The following TNR variants were observed in gnomAD, a reference collection of about 807,000 sequenced individuals.
TNR encodes the protein tenascin-R.
Under a neutral mutation model 150.4 loss-of-function variants are expected in TNR, and 45 were observed. The observed-to-expected ratio is 0.30, with a 90% CI of 0.24 to 0.38. TNR has a LOEUF of 0.38. TNR is among the 10% of genes least tolerant of loss of function. The pLI, the probability that TNR is intolerant of heterozygous loss-of-function variation, is 1.00. For synonymous variants in TNR, 687 were observed against 678.4 expected, an observed-to-expected ratio of 1.01 and a Z score of -0.20; for missense variants, 1,544 against 1,759.1, an observed-to-expected ratio of 0.88 and a Z score of 2.19.
chr1:175,439,315 T>C (rs1655671524), intron 2 of TNR, among the ~76,000 whole-genome samples: 1 of 152,140 alleles, frequency 6.6e-6, no homozygotes, highest in Admixed American at 6.5e-5. Context: ...GAAAACTGGC[T>C]AGCCATATGT....
intron 4 of TNR, among the ~76,000 whole-genome samples, chr1:175,400,625 C>A (rs187897822): frequency 4.3e-4 from 66 of 152,256 alleles, no homozygotes; most frequent in African/African-American, 1.4e-3. Context: ...AGAATGCAAT[C>A]CACACAATGG....
Position 175,449,631 on chromosome 1 carries a change from A to C in TNR, c.-63-42854T>G, listed in dbSNP as rs146937879. 4.7e-3 allele frequency among the ~76,000 whole-genome samples: 718 copies of C among 151,896 alleles called. 1 individual carries two copies. Among genetic ancestry groups the C allele is most frequent in the Non-Finnish European group, 8.0e-3 (545 of 67,978 alleles). ...AAGATTAAGGTAAAGGGAGAAACTA[A>C]AAAGATGAAGCTACAAGGAAATACT... On this transcript the variant is annotated intron_variant, in intron 2 of 22. Transcript: ENST00000367674.
At chr1:175,326,128 G>GA (rs1417144906) in intron 21 of TNR, among the ~76,000 whole-genome samples, 1 of 152,112 alleles carries the variant, frequency 6.6e-6, no homozygotes, top group African/African-American at 2.4e-5. Flanking sequence ...TTTTTATTCT[G>GA]AGGGGCAAAC....
intron 2 of TNR, among the ~76,000 whole-genome samples, chr1:175,417,011 A>AAAGAAAGAAAGAAAG (rs1553218221): frequency 5.4e-4 from 49 of 90,902 alleles, no homozygotes; most frequent in African/African-American, 2.0e-3. Context: ...CCATCTCAAA[A>AAAGAAAGAAAGAAAG]AAAGAAAGAA....
chr1:175,444,552 C>T (rs1360218356), intron 2 of TNR, among the ~76,000 whole-genome samples: 1 of 152,198 alleles, frequency 6.6e-6, no homozygotes, highest in East Asian at 1.9e-4. Context: ...CTTCACACAC[C>T]ACATCCCAGA....
At chr1:175,476,324 C>G (rs192786576) in intron 2 of TNR, among the ~76,000 whole-genome samples, 4 of 152,276 alleles carry the variant, frequency 2.6e-5, no homozygotes, top group African/African-American at 9.6e-5. Context: ...ACAAGATTTC[C>G]TAGAGCATAA....
chr1:175,473,739 C>G (rs1302163300), intron 2 of TNR, among the ~76,000 whole-genome samples: 1 of 152,134 alleles, frequency 6.6e-6, no homozygotes, highest in Non-Finnish European at 1.5e-5. Context: ...TTCTTGCTTC[C>G]CTTTTATGTG....
intron 2 of TNR, among the ~76,000 whole-genome samples, chr1:175,470,932 T>C (rs567598081): frequency 2.6e-5 from 4 of 152,196 alleles, no homozygotes; most frequent in South Asian, 4.1e-4. Flanking sequence ...AAGAGGTTAA[T>C]GCCACCAAAT....
At chr1:175,463,093 A>G (rs1356539911) in intron 2 of TNR, among the ~76,000 whole-genome samples, 2 of 152,192 alleles carry the variant, frequency 1.3e-5, no homozygotes, top group Non-Finnish European at 2.9e-5. Context: ...TTTTCTCTGA[A>G]TCGCACTGGA....
At chr1:175,553,775 G>A (rs1661037546) in intron 1 of TNR, among the ~76,000 whole-genome samples, 1 of 148,662 alleles carries the variant, frequency 6.7e-6, no homozygotes, top group African/African-American at 2.5e-5. Flanking sequence ...ACACATTCGT[G>A]TAGATATACA....
chr1:175,329,262 A>C (rs73032445), intron 21 of TNR, among the ~76,000 whole-genome samples: 3,796 of 152,364 alleles, frequency 0.025, 162 homozygotes, highest in African/African-American at 0.086. Context: ...AATAATGCCA[A>C]GTATCAAACA....
chr1:175,669,467 C>A (rs1665629420), intron 1 of TNR, among the ~76,000 whole-genome samples: 1 of 152,180 alleles, frequency 6.6e-6, no homozygotes, highest in Admixed American at 6.5e-5. Context: ...GTGACTTTGC[C>A]CTCCACAGAG....
intron 1 of TNR, among the ~76,000 whole-genome samples, chr1:175,712,312 A>G (rs1219502123): frequency 6.6e-6 from 1 of 152,162 alleles, no homozygotes; most frequent in African/African-American, 2.4e-5. Flanking sequence ...AATTGAGAAT[A>G]ACACCATCAA....
chr1:175,491,966 G>A (rs865782), intron 2 of TNR, among the ~76,000 whole-genome samples: 2,233 of 152,154 alleles, frequency 0.015, 56 homozygotes, highest in African/African-American at 0.05. Context: ...ACTTTTAAAC[G>A]ATAAACTTTT....
At chr1:175,689,425 G>T (rs1406171985) in intron 1 of TNR, among the ~76,000 whole-genome samples, 1 of 152,186 alleles carries the variant, frequency 6.6e-6, no homozygotes, top group Non-Finnish European at 1.5e-5. Flanking sequence ...ATACCTCTTA[G>T]ATTGGAGGCC....
chr1:175,556,390 C>T (rs10489313), intron 1 of TNR, among the ~76,000 whole-genome samples: 2 of 152,182 alleles, frequency 1.3e-5, no homozygotes, highest in African/African-American at 4.8e-5. Flanking sequence ...CAGAACCAAG[C>T]CTGATTTTAG....
chr1:175,375,145 C>T (rs1652315193), intron 9 of TNR, among the ~76,000 whole-genome samples: 2 of 150,338 alleles, frequency 1.3e-5, no homozygotes, highest in South Asian at 4.3e-4. Context: ...TTCCCTCCCT[C>T]CTTCCACTTG....
At chr1:175,452,643 G>A (rs1053646558) in intron 2 of TNR, among the ~76,000 whole-genome samples, 2 of 152,226 alleles carry the variant, frequency 1.3e-5, no homozygotes, top group Non-Finnish European at 2.9e-5. Context: ...GGGACCTGTG[G>A]GGCCTAGTGG....
chr1:175,532,578 A>G (rs1327029939), intron 1 of TNR, among the ~76,000 whole-genome samples: 1 of 152,224 alleles, frequency 6.6e-6, no homozygotes, highest in Non-Finnish European at 1.5e-5. Flanking sequence ...ATGCATAACA[A>G]ATTACCCTAA....
Sources: allele counts gnomAD v4.1 joint callset (sites outside exome capture counted in the v4.1 genomes callset), GRCh38; gene constraint gnomAD v4.1.1; transcripts MANE v1.5; gene names NCBI Gene and HGNC (gene_info 2026-07-23, HGNC 2026-07-21).